EPB41L5: variants seen among roughly 807,000 people sequenced by gnomAD.
EPB41L5 encodes erythrocyte membrane protein band 4.1 like 5, also known as band 4.1-like protein 5.
In EPB41L5, 55 loss-of-function variants were observed where a neutral mutation model predicts 106.6. The observed-to-expected ratio is 0.52, with a 90% CI of 0.42 to 0.65. The LOEUF (loss-of-function observed/expected upper bound fraction) is 0.65, where lower values mean the gene tolerates loss of function less well. Among genes scored for constraint, EPB41L5 ranks in the 30% least tolerant of loss-of-function variants. The pLI, the probability that EPB41L5 is intolerant of heterozygous loss-of-function variation, is 0.00. For missense variants in EPB41L5, 871 were observed against 882.1 expected, an observed-to-expected ratio of 0.99 and a Z score of 0.16; for synonymous variants, 297 against 306.7, an observed-to-expected ratio of 0.97 and a Z score of 0.33.
intron 3 of EPB41L5, among the ~76,000 whole-genome samples, chr2:120,046,294 G>T (rs547126040): frequency 6.6e-6 from 1 of 152,016 alleles, no homozygotes; most frequent in Admixed American, 6.6e-5. Flanking sequence ...TTGTTCCTAT[G>T]TCTCCACTTC....
intron 10 of EPB41L5, among the ~76,000 whole-genome samples, chr2:120,080,263 C>T (rs1682553869): frequency 6.6e-6 from 1 of 152,092 alleles, no homozygotes; most frequent in Admixed American, 6.6e-5. Context: ...CCCCCTCCCC[C>T]AACCCCACGA....
rs761476487 is a variant in EPB41L5, at chr2:120,078,506, A to G, written c.728A>G (p.Asn243Ser). 2 of 1,605,702 alleles carry G rather than the reference A, an allele frequency of 1.2e-6. No individual in the cohort carries two copies. The highest frequency in any genetic ancestry group is 1.7e-6 in the Non-Finnish European group (2 of 1,176,624). Residue 243 changes from asparagine (N) to serine (S), a missense_variant, in exon 10 of 25, where the codon AAT becomes AGT. Coordinates refer to ENST00000263713, the MANE Select transcript of EPB41L5 (RefSeq NM_020909.4). ...CCCTTAAATTAGGCTAGAGATGGGA[A>G]TGACTATAGTTTGGGACTAACACCA... ...DMHVVKARDGNDYSLGLTPTG... is the reference protein window; with the variant it reads ...DMHVVKARDGSDYSLGLTPTG...
At chr2:120,013,999 T>C (rs981561636) in intron 1 of EPB41L5, among the ~76,000 whole-genome samples, 6 of 152,230 alleles carry the variant, frequency 3.9e-5, no homozygotes, top group Admixed American at 3.3e-4. Context: ...GTGCATGTAA[T>C]ATGCTGTGCA....
chr2:120,139,770 C>A (rs922199306), intron 18 of EPB41L5, among the ~76,000 whole-genome samples: 1 of 151,848 alleles, frequency 6.6e-6, no homozygotes, highest in African/African-American at 2.4e-5. Context: ...GCCTCAAAAA[C>A]CCAAAAATGG....
intron 16 of EPB41L5, chr2:120,103,949 C>A: frequency 1.6e-6 from 2 of 1,246,640 alleles, no homozygotes; most frequent in Non-Finnish European, 2.1e-6. Context: ...CTACTCATAG[C>A]AGCAGTGCAT....
chr2:120,081,377 A>G (rs188531784), intron 10 of EPB41L5, among the ~76,000 whole-genome samples: 9,267 of 152,124 alleles, frequency 0.061, 377 homozygotes, highest in African/African-American at 0.11. Flanking sequence ...TCCTTTCCCC[A>G]TTTCTTGTTT....
At chr2:120,016,062 CA>C (rs1467826609) in intron 1 of EPB41L5, among the ~76,000 whole-genome samples, 2 of 152,122 alleles carry the variant, frequency 1.3e-5, no homozygotes, top group Non-Finnish European at 1.5e-5. Context: ...CAACTTAAAG[CA>C]CATGTGTGAT....
intron 11 of EPB41L5, 36 bp downstream of exon 11, chr2:120,087,276 A>G (rs1229638390): frequency 3.2e-6 from 4 of 1,243,104 alleles, no homozygotes; most frequent in Non-Finnish European, 4.7e-6. Context: ...CTTGTGTAAC[A>G]GTGACTGTAT....
At chr2:120,145,791 C>G (rs1317553527) in intron 19 of EPB41L5, among the ~76,000 whole-genome samples, 1 of 151,850 alleles carries the variant, frequency 6.6e-6, no homozygotes, top group African/African-American at 2.4e-5. Context: ...ACTAAAAATA[C>G]AAAAATTAGC....
At chr2:120,049,231 C>G (rs980960419) in intron 3 of EPB41L5, among the ~76,000 whole-genome samples, 6 of 152,148 alleles carry the variant, frequency 3.9e-5, no homozygotes, top group Non-Finnish European at 7.3e-5. Context: ...AACTTTCTGT[C>G]TTGTTGATCT....
At chr2:120,059,033 A>T (rs574745658) in intron 3 of EPB41L5, among the ~76,000 whole-genome samples, 1 of 152,360 alleles carries the variant, frequency 6.6e-6, no homozygotes, top group Admixed American at 6.5e-5. Context: ...AATGGGAGGA[A>T]TCATGCTACC....
chr2:120,053,150 G>T (rs547931250), intron 3 of EPB41L5, among the ~76,000 whole-genome samples: 1 of 152,230 alleles, frequency 6.6e-6, no homozygotes, highest in East Asian at 1.9e-4. Context: ...GGAAAGGATT[G>T]TGAAACTTGT....
intron 19 of EPB41L5, 60 bp downstream of exon 19, chr2:120,143,191 T>TGGGGAAG: frequency 6.9e-7 from 1 of 1,446,452 alleles, no homozygotes; most frequent in Non-Finnish European, 9.2e-7. Context: ...TGTAGAGAGT[T>TGGGGAAG]GCCTTCCCCA....
chr2:120,091,910 C>T (rs1057413029), intron 13 of EPB41L5, among the ~76,000 whole-genome samples: 1 of 152,138 alleles, frequency 6.6e-6, no homozygotes, highest in African/African-American at 2.4e-5. Context: ...TTTTTGTATA[C>T]AAAACTGTTT....
chr2:120,061,606 C>T (rs1681084404), intron 3 of EPB41L5, among the ~76,000 whole-genome samples: 1 of 152,098 alleles, frequency 6.6e-6, no homozygotes, highest in Non-Finnish European at 1.5e-5. Context: ...CCCTCCTCGG[C>T]CTCCCAAAGT....
intron 10 of EPB41L5, among the ~76,000 whole-genome samples, chr2:120,079,188 A>G (rs897214374): frequency 3.9e-5 from 6 of 152,174 alleles, no homozygotes; most frequent in African/African-American, 1.4e-4. Context: ...TTACTTTTGT[A>G]CACTAGACAG....
At chr2:120,141,029 T>G (rs1440214182) in intron 18 of EPB41L5, among the ~76,000 whole-genome samples, 23 of 152,120 alleles carry the variant, frequency 1.5e-4, no homozygotes, top group Admixed American at 1.5e-3. Flanking sequence ...ATCTTAAGGC[T>G]CAGACTAGCA....
chr2:120,062,184 G>C (rs1482638996), intron 3 of EPB41L5, among the ~76,000 whole-genome samples: 1 of 152,162 alleles, frequency 6.6e-6, no homozygotes, highest in Middle Eastern at 3.2e-3. Flanking sequence ...TGATTGCATT[G>C]TATTCAGGGA....
intron 11 of EPB41L5, among the ~76,000 whole-genome samples, chr2:120,087,971 C>G (rs1396111972): frequency 2.6e-5 from 4 of 152,088 alleles, no homozygotes; most frequent in Admixed American, 2.6e-4. Flanking sequence ...TTGAATGACT[C>G]CATTTATCTG....
Sources: gnomAD v4.1 joint callset for allele counts (sites outside exome capture counted in the v4.1 genomes callset) on GRCh38, gnomAD v4.1.1 for gene constraint, MANE v1.5 for transcripts, NCBI Gene and HGNC (gene_info 2026-07-23, HGNC 2026-07-21) for gene names.